Variants in AKNA observed in about 807,000 individuals in gnomAD.
The protein encoded by AKNA is microtubule organization protein AKNA.
In AKNA, 67 loss-of-function variants were observed where a neutral mutation model predicts 138.8. The ratio of observed to expected loss-of-function variants is 0.48; its 90% CI spans 0.40 to 0.59. AKNA has a LOEUF of 0.59. Ranked by LOEUF, AKNA falls within the 20% of genes least tolerant of loss-of-function variation. The probability of loss-of-function intolerance (pLI) is 0.00; values close to 1 mark genes in which losing one functional copy is unlikely to be tolerated. For synonymous variants in AKNA, 737 were observed against 754.4 expected (o/e 0.98, Z 0.38); for missense variants, 1,813 against 1,880.4 (o/e 0.96, Z 0.66).
chr9:114,355,783 C>A, intron 14 of AKNA, 142 bp downstream of exon 14: 1 of 904,864 alleles, frequency 1.1e-6, no homozygotes, highest in Non-Finnish European at 1.6e-6. Flanking sequence ...TTCTTTTGTT[C>A]CCTTTTGTCC....
chr9:114,370,590 C>T (rs1286406443), intron 4 of AKNA, among the ~76,000 whole-genome samples: 1 of 152,192 alleles, frequency 6.6e-6, no homozygotes, highest in South Asian at 2.1e-4. Flanking sequence ...CAGGGCTGGT[C>T]TCTCTGGACA....
At chr9:114,380,244 T>A (rs564125526) in intron 2 of AKNA, among the ~76,000 whole-genome samples, 1 of 152,136 alleles carries the variant, frequency 6.6e-6, no homozygotes, top group Admixed American at 6.5e-5. Context: ...TGTGCAAAGA[T>A]ATATTAATGA....
intron 6 of AKNA, 137 bp downstream of exon 6, chr9:114,367,406 A>G: frequency 9.4e-7 from 1 of 1,062,806 alleles, no homozygotes; most frequent in Non-Finnish European, 1.3e-6. Flanking sequence ...TGTTTTGGGG[A>G]TGGCTGAGTT....
At chr9:114,392,586 C>T (rs901948244), upstream of AKNA, among the ~76,000 whole-genome samples, 9 of 152,222 alleles carry the variant, frequency 5.9e-5, no homozygotes, top group African/African-American at 2.2e-4. Context: ...AAGTTCTTGG[C>T]CCCAGTGCCC....
At position 114,358,167 on chromosome 9, in the gene AKNA, C is replaced by G; in HGVS notation, c.2493G>C (p.Glu831Asp). The stretch of plus-strand genomic sequence containing the variant: ...TAGATACCATCTTCTCCGTGGCCTC[C>G]CTGGCATGGGAAGAGAAGACCATCC... Reference protein sequence around the residue: ...QAEKSHGAPLEEATEKMVSMK... With the variant: ...QAEKSHGAPLDEATEKMVSMK... Residue 831 changes from glutamate to aspartate, a missense_variant and splice_region_variant, in exon 12 of 22, where the codon GAG (glutamate) becomes GAC (aspartate). Coordinates refer to ENST00000374088, the MANE Select transcript of AKNA (RefSeq NM_001317950.2). 6.2e-7 allele frequency: 1 copy of G among 1,613,974 alleles called. No individual in the cohort carries two copies. Among genetic ancestry groups the G allele is most frequent in the Non-Finnish European group, 8.5e-7 (1 of 1,179,918 alleles).
Position 114,367,555 on chromosome 9 carries a change from C to G in AKNA, c.1716G>C (p.Gln572His). 6.2e-7 allele frequency: 1 copy of G among 1,613,360 alleles called. No homozygotes were observed. Among genetic ancestry groups the G allele is most frequent in the Non-Finnish European group, 8.5e-7 (1 of 1,179,934 alleles). The change falls in exon 6 of 22, where the codon CAG becomes CAC. Residue 572 changes from glutamine (Q) to histidine (H), a missense_variant. By Grantham distance (24) the Gln-to-His change is conservative. Coordinates refer to ENST00000374088, the MANE Select transcript of AKNA (RefSeq NM_001317950.2). ...GGAGTCCACTCACCTTGGCCAGGAA[C>G]TGGCTGGCCTGAGAAGCCAGTGCCT... The part of the protein sequence containing the change: ...QTQALASQAS[Q>H]FLAKVESFER...
At chr9:114,342,565 G>C (rs1252214289) in intron 19 of AKNA, among the ~76,000 whole-genome samples, 1 of 150,022 alleles carries the variant, frequency 6.7e-6, no homozygotes, top group African/African-American at 2.5e-5. Flanking sequence ...GCCCAGAACA[G>C]TCCCCTGGGG....
At chr9:114,365,734 G>A (rs574157910) in intron 6 of AKNA, among the ~76,000 whole-genome samples, 2 of 151,990 alleles carry the variant, frequency 1.3e-5, no homozygotes, top group East Asian at 3.9e-4. Context: ...TAAAAAAATA[G>A]GGAGACACTT....
chr9:114,337,012 T>TGGGGGGGGGGGGGCG lies in AKNA; in HGVS notation c.*41_*42insCGCCCCCCCCCCCCC. 2 of 1,208,224 alleles carry TGGGGGGGGGGGGGCG rather than the reference T, an allele frequency of 1.7e-6. No homozygotes were observed. Among genetic ancestry groups the TGGGGGGGGGGGGGCG allele is most frequent in the Non-Finnish European group, 2.2e-6 (2 of 929,350 alleles). 74.8% of individuals were successfully genotyped at this position (1,208,224 alleles called of 1,614,324 possible). Reference sequence around the variant, plus strand: ...CCCACTCCTGGCCTGGCAGGCCACCTGCCCACCCACCCACCCATCTGCCTC... The same window carrying TGGGGGGGGGGGGGCG: ...CCCACTCCTGGCCTGGCAGGCCACCTGGGGGGGGGGGGGCGGCCCACCCACCCACCCATCTGCCTC... On this transcript the variant is annotated 3_prime_UTR_variant, in exon 22 of 22. Transcript: ENST00000374088.
intron 2 of AKNA, among the ~76,000 whole-genome samples, chr9:114,379,197 A>C (rs992605731): frequency 6.6e-6 from 1 of 152,198 alleles, no homozygotes; most frequent in African/African-American, 2.4e-5. Context: ...CCCTGGGTTC[A>C]ATCCTGGCTC....
upstream of AKNA, among the ~76,000 whole-genome samples, chr9:114,394,945 G>A (rs975562836): frequency 6.6e-6 from 1 of 152,196 alleles, no homozygotes; most frequent in Non-Finnish European, 1.5e-5. Flanking sequence ...AAAAAGCTGA[G>A]CTGGCAGTGG....
At chr9:114,332,220 C>T (rs1357982293), downstream of AKNA, among the ~76,000 whole-genome samples, 11 of 151,846 alleles carry the variant, frequency 7.2e-5, no homozygotes, top group East Asian at 3.9e-4. Flanking sequence ...GGACGTAATG[C>T]GGGGAGTTAC....
chr9:114,351,435 G>A (rs972036529), intron 14 of AKNA, among the ~76,000 whole-genome samples: 5 of 152,248 alleles, frequency 3.3e-5, no homozygotes, highest in Non-Finnish European at 4.4e-5. Context: ...ATGTTTCTGG[G>A]GAGAGCATTA....
At chr9:114,375,024 T>C (rs1833064154) in intron 3 of AKNA, among the ~76,000 whole-genome samples, 1 of 152,216 alleles carries the variant, frequency 6.6e-6, no homozygotes, top group Admixed American at 6.5e-5. Flanking sequence ...CATCAGAGGC[T>C]GTCAAAATCA....
rs919891707 is a variant in AKNA, at chr9:114,347,638, A to T, written c.3398+86T>A. The stretch of plus-strand genomic sequence containing the variant: ...GAGGGATGTGGCAGTGCCTGAGTCC[A>T]TATGTCTGGGGAGAGCCAGAGGCCA... On this transcript the variant is annotated intron_variant, in intron 16 of 21. Transcript: ENST00000374088. The T allele has an allele frequency of 2.6e-5, 35 of 1,360,742 alleles. No homozygotes were observed. In the African/African-American group the frequency reaches 4.8e-4, roughly 19 times the overall value. 84.3% of individuals were successfully genotyped at this position (1,360,742 alleles called of 1,614,324 possible).
At chr9:114,375,363 C>CAAGA (rs758458344) in intron 3 of AKNA, among the ~76,000 whole-genome samples, 3 of 151,902 alleles carry the variant, frequency 2.0e-5, no homozygotes, top group South Asian at 2.1e-4. Context: ...AAAGTAAATG[C>CAAGA]AAGAAAGAAA....
In AKNA at chr9:114,345,982, G is replaced by T. The variant is rs1373156039; in HGVS notation, c.3542C>A (p.Pro1181Gln). The change falls in exon 18 of 22, where the codon CCA (proline) becomes CAA (glutamine). Residue 1181 changes from proline to glutamine, a missense_variant. Pro to Gln is a moderately conservative substitution (Grantham distance 76). Coordinates refer to ENST00000374088, the MANE Select transcript of AKNA (RefSeq NM_001317950.2). Reference protein sequence around the residue: ...LSSESELPSLPLFSEKSKTTK... With the variant: ...LSSESELPSLQLFSEKSKTTK... ...GGTCTTGCTCTTCTCAGAGAACAGT[G>T]GTAGGGAGGGCAGCTCAGATTCTGA... 1 of 1,614,022 alleles carries T rather than the reference G, an allele frequency of 6.2e-7. No individual in the cohort carries two copies. Among genetic ancestry groups the T allele is most frequent in the South Asian group, 1.1e-5 (1 of 91,078 alleles).
At chr9:114,333,809 C>A (rs1277068831), downstream of AKNA, among the ~76,000 whole-genome samples, 1 of 150,684 alleles carries the variant, frequency 6.6e-6, no homozygotes, top group African/African-American at 2.5e-5. Flanking sequence ...AGGCAGAAGA[C>A]CCTAAACAGG....
At chr9:114,351,987 A>G (rs1250532429) in intron 14 of AKNA, among the ~76,000 whole-genome samples, 1 of 152,264 alleles carries the variant, frequency 6.6e-6, no homozygotes, top group Non-Finnish European at 1.5e-5. Flanking sequence ...AAGGTTACAT[A>G]GTATATGATT....
Sources: allele counts gnomAD v4.1 joint callset (sites outside exome capture counted in the v4.1 genomes callset), GRCh38; gene constraint gnomAD v4.1.1; transcripts MANE v1.5; gene names NCBI Gene and HGNC (gene_info 2026-07-23, HGNC 2026-07-21).